CNTNAP3: variants seen among roughly 807,000 people sequenced by gnomAD.
The protein encoded by CNTNAP3 is contactin-associated protein-like 3.
A neutral mutation model predicts 92.1 loss-of-function variants in CNTNAP3; 36 were observed. The ratio of observed to expected loss-of-function variants is 0.39; its 90% confidence interval spans 0.30 to 0.52. The LOEUF (loss-of-function observed/expected upper bound fraction) is 0.52, where lower values mean the gene tolerates loss of function less well. CNTNAP3 is among the 20% of genes least tolerant of loss of function. The probability of loss-of-function intolerance (pLI) is 0.76; values close to 1 mark genes in which losing one functional copy is unlikely to be tolerated. For missense variants in CNTNAP3, 534 were observed against 1,069.6 expected (o/e 0.50, Z 6.98); for synonymous variants, 232 against 422.3 (o/e 0.55, Z 5.53).
chr9:39,102,195 G>A (rs1346068604), intron 17 of CNTNAP3, among the ~76,000 whole-genome samples: 39 of 152,346 alleles, frequency 2.6e-4, no homozygotes, highest in Admixed American at 1.6e-3. Context: ...CAGGAGAATC[G>A]CTTGAACCCG....
intron 14 of CNTNAP3, among the ~76,000 whole-genome samples, chr9:39,112,977 T>C (rs1820744904): frequency 6.6e-6 from 1 of 152,188 alleles, no homozygotes; most frequent in Non-Finnish European, 1.5e-5. Context: ...TGAATTTTGT[T>C]AAAATTACAG....
intron 15 of CNTNAP3, among the ~76,000 whole-genome samples, chr9:39,108,815 T>C (rs1465375491): frequency 6.6e-6 from 1 of 152,152 alleles, no homozygotes; most frequent in Non-Finnish European, 1.5e-5. Context: ...ACCACTATAG[T>C]TGTCTGAAGA....
intron 13 of CNTNAP3, among the ~76,000 whole-genome samples, chr9:39,119,916 T>C (rs1382755962): frequency 3.3e-5 from 5 of 152,076 alleles, no homozygotes; most frequent in Admixed American, 3.3e-4. Context: ...AGGCTTTATC[T>C]AACCTGACCA....
chr9:39,129,524 T>G (rs1821226354), intron 13 of CNTNAP3, among the ~76,000 whole-genome samples: 1 of 152,250 alleles, frequency 6.6e-6, no homozygotes, highest in Admixed American at 6.5e-5. Context: ...ACTAGAAAAC[T>G]TTTAGGAAAA....
At chr9:39,140,253 T>TA (rs35023597) in intron 12 of CNTNAP3, among the ~76,000 whole-genome samples, 28,454 of 152,014 alleles carry the variant, frequency 0.19, 2,978 homozygotes, top group East Asian at 0.31. Context: ...GTTTGTATTT[T>TA]TCATGATGCA....
In CNTNAP3 at chr9:39,068,314, G is replaced by A. The variant is rs1825556961; in HGVS notation, c.*5576C>T. Among the ~76,000 whole-genome samples the A allele has an allele frequency of 1.3e-5, 2 of 152,292 alleles. No individual in the cohort carries two copies. The highest frequency in any genetic ancestry group is 2.4e-5 in the African/African-American group (1 of 41,484). On this transcript the variant is annotated 3_prime_UTR_variant, in exon 24 of 24. Coordinates refer to ENST00000297668, the MANE Select transcript of CNTNAP3 (RefSeq NM_033655.5). The stretch of plus-strand genomic sequence containing the variant: ...GCCTGTAGTCCCAGCTACTCGGGAG[G>A]CTGAGGCAGGAGAATGGCATGAACC...
At position 39,066,532 on chromosome 9, in the gene CNTNAP3, G is replaced by A. The variant is rs1161584578; in HGVS notation, c.*7358C>T. Among the ~76,000 whole-genome samples, 7 of 152,290 alleles carry A rather than the reference G, an allele frequency of 4.6e-5. No homozygotes were observed. In the East Asian group the frequency reaches 1.4e-3, roughly 29 times the overall value. ...GAAAGGCTTTTACACTGTTCTCATA[G>A]TCCAGGTTTGCTGATAATATATTAC... On this transcript the variant is annotated 3_prime_UTR_variant, in exon 24 of 24. Transcript: ENST00000297668.
chr9:39,114,035 T>TACACACACACAC (rs767827479), intron 14 of CNTNAP3, among the ~76,000 whole-genome samples: 3 of 141,478 alleles, frequency 2.1e-5, no homozygotes, highest in African/African-American at 8.3e-5. Context: ...CACACATATA[T>TACACACACACAC]ACACACACAC....
chr9:39,209,590 TTCCCTTCCTTCCC>T (rs1822594524), intron 3 of CNTNAP3, among the ~76,000 whole-genome samples: 1 of 18,234 alleles, frequency 5.5e-5, no homozygotes, highest in African/African-American at 1.7e-4. Context: ...ACTTCCTTCC[TTCCCTTCCTTCCC>T]TCCCTCCCTC....
In CNTNAP3 at chr9:39,133,057, C is replaced by T. The variant is rs1372488255; in HGVS notation, c.1955G>A (p.Arg652His). 15 of 1,555,738 alleles carry T rather than the reference C, an allele frequency of 9.6e-6. No individual in the cohort carries two copies. Among genetic ancestry groups the T allele is most frequent in the Non-Finnish European group, 1.3e-5 (15 of 1,157,464 alleles). The change falls in exon 13 of 24, where the codon CGC (arginine) becomes CAC (histidine). Residue 652 changes from arginine (R) to histidine (H), a missense_variant. By Grantham distance (29) the Arg-to-His change is conservative. Coordinates refer to ENST00000297668, the MANE Select transcript of CNTNAP3 (RefSeq NM_033655.5). Reference protein sequence around the residue: ...TLRGAPSGHPRSAVSFAYAAG... With the variant: ...TLRGAPSGHPHSAVSFAYAAG... ...TGCGTACGCGAAGGACACAGCCGAG[C>T]GCGGGTGCCCGCTGGGGGCACCTCG... is the stretch of plus-strand genomic sequence containing the variant.
chr9:39,105,229 C>T (rs1184594531), intron 15 of CNTNAP3, among the ~76,000 whole-genome samples: 3 of 152,090 alleles, frequency 2.0e-5, no homozygotes, highest in African/African-American at 7.2e-5. Flanking sequence ...AGATCCAGAC[C>T]ATCCTGGCTA....
At chr9:39,136,263 C>G (rs1821433972) in intron 12 of CNTNAP3, among the ~76,000 whole-genome samples, 1 of 151,982 alleles carries the variant, frequency 6.6e-6, no homozygotes, top group South Asian at 2.1e-4. Flanking sequence ...CGGGGATTGT[C>G]TGCACTTAAA....
chr9:39,123,402 G>T (rs2117997713), intron 13 of CNTNAP3, among the ~76,000 whole-genome samples: 1 of 152,086 alleles, frequency 6.6e-6, no homozygotes, highest in East Asian at 1.9e-4. Flanking sequence ...GACCCTGTTG[G>T]ACAATTTCAA....
At chr9:39,124,370 AAAG>A (rs1176106324) in intron 13 of CNTNAP3, among the ~76,000 whole-genome samples, 1 of 152,190 alleles carries the variant, frequency 6.6e-6, no homozygotes, top group Non-Finnish European at 1.5e-5. Context: ...TTCAGGAAAA[AAAG>A]AAGAAACAAG....
chr9:39,080,300 C>G lies in CNTNAP3; in HGVS notation c.3443-1380G>C, dbSNP rs1825901041. Among the ~76,000 whole-genome samples, 3 of 138,146 alleles carry G rather than the reference C, an allele frequency of 2.2e-5. No homozygotes were observed. The South Asian group carries it at 7.0e-4, about 32-fold the overall frequency. The allele number at this position is 138,146 out of a possible 152,430, so 90.6% of individuals were successfully genotyped here. The stretch of plus-strand genomic sequence containing the variant: ...ATATCTAATCACCTTTCTCATCCCT[C>G]TCACCACCCCGCAGGTGATGTCTGA... On this transcript the variant is annotated intron_variant, in intron 21 of 23. Coordinates refer to ENST00000297668, the MANE Select transcript of CNTNAP3 (RefSeq NM_033655.5).
In CNTNAP3 at chr9:39,149,855, G is replaced by A. The variant is rs551998304; in HGVS notation, c.1600C>T (p.Leu534=). ...VDPILVQQGA[L]GSFRDLQIDS... The stretch of plus-strand genomic sequence containing the variant: ...ATCTGGAGGTCCCTGAAACTCCCCA[G>A]CGCCCCCTGCTGTACTAAGATGGGA... The change falls in exon 10 of 24, where the codon CTG becomes TTG. Residue 534 remains leucine (L), a synonymous_variant. Coordinates refer to ENST00000297668, the MANE Select transcript of CNTNAP3 (RefSeq NM_033655.5). 440 of 1,600,292 alleles carry A rather than the reference G, an allele frequency of 2.7e-4. 3 individuals carry two copies. In the African/African-American group the frequency reaches 5.5e-3, roughly 20 times the overall value.
chr9:39,066,376 G>A lies in CNTNAP3; in HGVS notation c.*7514C>T, dbSNP rs1489103759. Among the ~76,000 whole-genome samples the A allele has an allele frequency of 0.13, 18,677 of 148,436 alleles. No individual in the cohort carries two copies. Among genetic ancestry groups the A allele is most frequent in the South Asian group, 0.2 (925 of 4,698 alleles). The stretch of plus-strand genomic sequence containing the variant: ...TCTAAACAGCCAATTATCTTTAAAA[G>A]ATATTTAAGTAATAAGGGCAGGTAT... On this transcript the variant is annotated 3_prime_UTR_variant, in exon 24 of 24. Coordinates refer to ENST00000297668, the MANE Select transcript of CNTNAP3 (RefSeq NM_033655.5).
chr9:39,209,631 C>T, intron 3 of CNTNAP3, among the ~76,000 whole-genome samples: 1 of 94,828 alleles, frequency 1.1e-5, no homozygotes, highest in African/African-American at 4.1e-5. Context: ...CCCCCACTCC[C>T]CTCTCCCACT....
rs1825538150 is a variant in CNTNAP3, at chr9:39,067,616, T to A, written c.*6274A>T. 6.6e-6 allele frequency among the ~76,000 whole-genome samples: 1 copy of A among 152,308 alleles called. No individual in the cohort carries two copies. The highest frequency in any genetic ancestry group is 6.5e-5 in the Admixed American group (1 of 15,292). ...TTTCCACCTTGTTAGCAGGATGGTC[T>A]CCATCTCCCGACCTCGTGATCTGCC... is the stretch of plus-strand genomic sequence containing the variant. On this transcript the variant is annotated 3_prime_UTR_variant, in exon 24 of 24. Coordinates refer to ENST00000297668, the MANE Select transcript of CNTNAP3 (RefSeq NM_033655.5).
Sources: gnomAD v4.1 joint callset for allele counts (sites outside exome capture counted in the v4.1 genomes callset) on GRCh38, gnomAD v4.1.1 for gene constraint, MANE v1.5 for transcripts, NCBI Gene and HGNC (gene_info 2026-07-23, HGNC 2026-07-21) for gene names.